The following DNAJC25 variants were observed in gnomAD, a reference collection of about 807,000 sequenced individuals.
The protein encoded by DNAJC25 is dnaJ homolog subfamily C member 25.
DNAJC25 carries 26 observed loss-of-function variants against 42.1 expected under a neutral mutation model. The ratio of observed to expected loss-of-function variants is 0.62; its 90% CI spans 0.45 to 0.86. DNAJC25 has a LOEUF of 0.86. Among genes scored for constraint, DNAJC25 ranks in the 40% least tolerant of loss-of-function variants. The pLI, the probability that DNAJC25 is intolerant of heterozygous loss-of-function variation, is 0.00. For missense variants in DNAJC25, 404 were observed against 459.4 expected, an observed-to-expected ratio of 0.88 and a Z score of 1.10; for synonymous variants, 189 against 179.9, an observed-to-expected ratio of 1.05 and a Z score of -0.40.
At chr9:111,652,447 A>G (rs368841611) in intron 3 of DNAJC25, among the ~76,000 whole-genome samples, 12 of 147,510 alleles carry the variant, frequency 8.1e-5, no homozygotes, top group South Asian at 2.3e-4. Context: ...TCCAGGAGGC[A>G]GAGATTGCAG....
intron 1 of DNAJC25, among the ~76,000 whole-genome samples, chr9:111,641,419 G>T (rs1388363786): frequency 9.7e-6 from 1 of 103,066 alleles, no homozygotes; most frequent in Admixed American, 9.4e-5. Context: ...TCAGCCCTCC[G>T]CCCGGCCAGC....
At chr9:111,641,712 C>G (rs1589344183) in intron 1 of DNAJC25, among the ~76,000 whole-genome samples, 36 of 127,630 alleles carry the variant, frequency 2.8e-4, no homozygotes, top group Non-Finnish European at 3.1e-4. Flanking sequence ...CCAGCCACCC[C>G]GTCCGGGAGG....
intron 1 of DNAJC25, 141 bp downstream of exon 1, chr9:111,631,884 G>A (rs1197016165): frequency 3.6e-6 from 5 of 1,379,738 alleles, no homozygotes; most frequent in African/African-American, 3.1e-5. Flanking sequence ...AGATACTCAC[G>A]TTTCCCACGT....
chr9:111,636,756 C>T (rs73656280), intron 1 of DNAJC25, among the ~76,000 whole-genome samples: 4,061 of 152,222 alleles, frequency 0.027, 179 homozygotes, highest in African/African-American at 0.093. Flanking sequence ...AAACTCTTAC[C>T]TTTTAAGAGT....
intron 1 of DNAJC25, among the ~76,000 whole-genome samples, chr9:111,635,886 C>CA (rs139824828): frequency 0.043 from 6,575 of 151,900 alleles, 372 homozygotes; most frequent in Admixed American, 0.13. Context: ...AAGAATTTAG[C>CA]AAAAAACGAT....
intron 1 of DNAJC25, among the ~76,000 whole-genome samples, chr9:111,645,343 C>T (rs1054835596): frequency 7.2e-5 from 11 of 151,996 alleles, no homozygotes; most frequent in African/African-American, 2.4e-4. Flanking sequence ...CAACCTCCAC[C>T]TCCCAGGTTC....
chr9:111,644,912 C>T (rs1035157169), intron 1 of DNAJC25, among the ~76,000 whole-genome samples: 1 of 152,170 alleles, frequency 6.6e-6, no homozygotes, highest in African/African-American at 2.4e-5. Flanking sequence ...CTGTGTGATC[C>T]TTATATAGGT....
intron 2 of DNAJC25, among the ~76,000 whole-genome samples, chr9:111,648,742 G>T (rs950088678): frequency 6.6e-6 from 1 of 152,164 alleles, no homozygotes; most frequent in Non-Finnish European, 1.5e-5. Flanking sequence ...ATTCTTAATA[G>T]ATTGCTACTA....
At chr9:111,647,700 A>G (rs1324077248) in intron 2 of DNAJC25, among the ~76,000 whole-genome samples, 5 of 152,208 alleles carry the variant, frequency 3.3e-5, no homozygotes, top group Non-Finnish European at 5.9e-5. Flanking sequence ...TGTCCCATGC[A>G]TTTCTGTGTG....
intron 1 of DNAJC25, among the ~76,000 whole-genome samples, chr9:111,644,210 G>A (rs572401455): frequency 7.5e-4 from 114 of 152,310 alleles, no homozygotes; most frequent in African/African-American, 2.6e-3. Flanking sequence ...AGTCAGACTT[G>A]ACCCTGAGAT....
At chr9:111,632,144 C>G (rs1225001204) in intron 1 of DNAJC25, among the ~76,000 whole-genome samples, 2 of 152,092 alleles carry the variant, frequency 1.3e-5, no homozygotes, top group Admixed American at 6.6e-5. Flanking sequence ...TTTGATATGA[C>G]AGAAAATTGG....
intron 3 of DNAJC25, among the ~76,000 whole-genome samples, chr9:111,651,139 A>G (rs944565063): frequency 1.2e-4 from 18 of 151,630 alleles, no homozygotes; most frequent in East Asian, 9.7e-4. Context: ...TGGTGCGTGC[A>G]TGTAATCCTA....
At position 111,640,142 on chromosome 9, in the gene DNAJC25, G is replaced by A. The variant is rs1230769521; in HGVS notation, c.337-6965G>A. Among the ~76,000 whole-genome samples, 124 of 78,240 alleles carry A rather than the reference G, an allele frequency of 1.6e-3. No homozygotes were observed. In the South Asian group the frequency reaches 0.02, roughly 13 times the overall value. 51.3% of individuals were successfully genotyped at this position (78,240 alleles called of 152,430 possible). A position where few individuals can be genotyped will look rare whatever the true frequency, so the allele number is the denominator to read the frequency against. ...GGGGTTTCGCTGTGTTGGCCGGGCCGGTCTCCAGCCCCTAACCGCGAGTGA... is the reference window on the plus strand; with the variant it reads ...GGGGTTTCGCTGTGTTGGCCGGGCCAGTCTCCAGCCCCTAACCGCGAGTGA... On this transcript the variant is annotated intron_variant, in intron 1 of 3. Coordinates refer to ENST00000313525, the MANE Select transcript of DNAJC25 (RefSeq NM_001015882.3).
In DNAJC25 at chr9:111,647,155, G is replaced by T. The variant is rs1366006325; in HGVS notation, c.385G>T (p.Glu129Ter). ...TGATTACATGCTGGATCATCCAGAA[G>T]AGTACTACAGCCATTACTACCACTA... ...DYDYMLDHPE[E>*]YYSHYYHYYS... Residue 129 changes from glutamate to a stop codon, truncating the protein, a stop_gained, in exon 2 of 4, where the codon GAG (glutamate) becomes TAG (stop). Coordinates refer to ENST00000313525, the MANE Select transcript of DNAJC25 (RefSeq NM_001015882.3). LOFTEE classifies it high-confidence loss of function. 1.2e-6 allele frequency: 2 copies of T among 1,614,162 alleles called. No homozygotes were observed. Among genetic ancestry groups the T allele is most frequent in the Non-Finnish European group, 1.7e-6 (2 of 1,180,022 alleles).
chr9:111,631,360 G>T lies in DNAJC25; in HGVS notation c.-48G>T. ...GACGGGACTAGCCGGGCGCGCGGCT[G>T]AGTGCTGCAGAATCGCTGGGGTGGC... On this transcript the variant is annotated 5_prime_UTR_variant, in exon 1 of 4. Transcript: ENST00000313525. 8.0e-7 allele frequency: 1 copy of T among 1,257,372 alleles called. No individual in the cohort carries two copies. Among genetic ancestry groups the T allele is most frequent in the South Asian group, 3.3e-5 (1 of 29,986 alleles). The allele number at this position is 1,257,372 out of a possible 1,614,324, so 77.9% of individuals were successfully genotyped here.
At chr9:111,647,323 G>C in intron 2 of DNAJC25, 64 bp downstream of exon 2, 1 of 1,552,540 alleles carries the variant, frequency 6.4e-7, no homozygotes, top group Non-Finnish European at 8.7e-7. Flanking sequence ...CCTAGTGCTA[G>C]TCATTAAAAC....
At position 111,641,538 on chromosome 9, in the gene DNAJC25, G is replaced by A. The variant is rs1328499983; in HGVS notation, c.337-5569G>A. 5.5e-4 allele frequency among the ~76,000 whole-genome samples: 41 copies of A among 74,388 alleles called. 1 individual carries two copies. The highest frequency in any genetic ancestry group is 9.6e-4 in the African/African-American group (14 of 14,536). The allele number at this position is 74,388 out of a possible 152,430, so 48.8% of individuals were successfully genotyped here. On this transcript the variant is annotated intron_variant, in intron 1 of 3. Coordinates refer to ENST00000313525, the MANE Select transcript of DNAJC25 (RefSeq NM_001015882.3). The stretch of plus-strand genomic sequence containing the variant: ...GGTCCGGGAGGGAGGTGGGGGGGTC[G>A]GACCCCGCCCGGCCAGCCGCCCCAT...
intron 1 of DNAJC25, 134 bp downstream of exon 1, chr9:111,631,877 TACTC>T: frequency 7.2e-7 from 1 of 1,381,550 alleles, no homozygotes; most frequent in Non-Finnish European, 9.3e-7. Flanking sequence ...ACCTTTAAGA[TACTC>T]ACGTTTCCCA....
chr9:111,633,414 C>T (rs919624918), intron 1 of DNAJC25, among the ~76,000 whole-genome samples: 1 of 151,984 alleles, frequency 6.6e-6, no homozygotes, highest in Non-Finnish European at 1.5e-5. Flanking sequence ...ATCAGTTATC[C>T]CATTATGATT....
Sources: allele counts gnomAD v4.1 joint callset (sites outside exome capture counted in the v4.1 genomes callset), GRCh38; gene constraint gnomAD v4.1.1; transcripts MANE v1.5; gene names NCBI Gene and HGNC (gene_info 2026-07-23, HGNC 2026-07-21).